LRGUK: variants seen among roughly 807,000 people sequenced by gnomAD.
LRGUK encodes leucine-rich repeat and guanylate kinase domain-containing protein.
Under a neutral mutation model 76.0 loss-of-function variants are expected in LRGUK, and 65 were observed. That is an observed-to-expected ratio of 0.85 (90% CI 0.70 to 1.05). LRGUK has a LOEUF of 1.05. Among genes scored for constraint, LRGUK ranks in the 50% least tolerant of loss-of-function variants. LRGUK has a pLI of 0.00. For missense variants in LRGUK, 758 were observed against 732.8 expected (o/e 1.03, Z -0.40); for synonymous variants, 268 against 265.6 (o/e 1.01, Z -0.09).
chr7:134,265,992 G>A (rs1344378629), downstream of LRGUK, among the ~76,000 whole-genome samples: 1 of 152,172 alleles, frequency 6.6e-6, no homozygotes, highest in East Asian at 1.9e-4. Flanking sequence ...GAGGCCTAGT[G>A]GGGACCCTAA....
At chr7:134,244,766 C>G (rs1262574444) in intron 16 of LRGUK, among the ~76,000 whole-genome samples, 1 of 152,100 alleles carries the variant, frequency 6.6e-6, no homozygotes, top group Non-Finnish European at 1.5e-5. Flanking sequence ...ATGTTTATTG[C>G]GGCACTATTC....
downstream of LRGUK, among the ~76,000 whole-genome samples, chr7:134,269,350 C>CTTTTT (rs71172445): frequency 0.014 from 1,768 of 123,832 alleles, 83 homozygotes; most frequent in African/African-American, 0.053. Context: ...GATTTCAATT[C>CTTTTT]TTTTTTTTTT....
At chr7:134,131,035 A>T (rs561430943) in intron 1 of LRGUK, among the ~76,000 whole-genome samples, 1 of 152,340 alleles carries the variant, frequency 6.6e-6, no homozygotes, top group East Asian at 1.9e-4. Context: ...CCATTAAGTG[A>T]TTTGATTAAT....
At chr7:134,234,044 ATTC>A (rs1466574717) in intron 16 of LRGUK, among the ~76,000 whole-genome samples, 1 of 152,136 alleles carries the variant, frequency 6.6e-6, no homozygotes, top group East Asian at 1.9e-4. Flanking sequence ...CAAGACAATT[ATTC>A]TTCTTCCAGT....
chr7:134,249,703 G>T (rs534895520), intron 18 of LRGUK, among the ~76,000 whole-genome samples: 10 of 152,270 alleles, frequency 6.6e-5, no homozygotes, highest in African/African-American at 2.4e-4. Flanking sequence ...TCATAGTGTG[G>T]CTCAAAAGCT....
chr7:134,166,865 C>G (rs1202784135), intron 7 of LRGUK, among the ~76,000 whole-genome samples: 3 of 152,220 alleles, frequency 2.0e-5, no homozygotes, highest in Non-Finnish European at 4.4e-5. Flanking sequence ...CCCCTCTTCA[C>G]TGAACCCTGG....
At chr7:134,250,543 T>A (rs943575340) in intron 18 of LRGUK, among the ~76,000 whole-genome samples, 3 of 152,206 alleles carry the variant, frequency 2.0e-5, no homozygotes, top group Non-Finnish European at 4.4e-5. Flanking sequence ...ATGAAAACTT[T>A]TAAAATGAGC....
At chr7:134,269,395 C>G (rs2117243291), downstream of LRGUK, among the ~76,000 whole-genome samples, 1 of 148,178 alleles carries the variant, frequency 6.7e-6, no homozygotes, top group East Asian at 2.0e-4. Context: ...CTCTGTTGCC[C>G]AGGCTAGTGT....
chr7:134,167,414 C>A (rs1342716846), intron 7 of LRGUK, among the ~76,000 whole-genome samples: 1 of 152,190 alleles, frequency 6.6e-6, no homozygotes, highest in Non-Finnish European at 1.5e-5. Flanking sequence ...TGGACTTGGC[C>A]TGCTTCCTGG....
At chr7:134,139,437 G>T (rs1797672929) in exon 3 of LRGUK, 2 of 1,601,540 alleles carry the variant, frequency 1.2e-6, no homozygotes, top group Non-Finnish European at 1.7e-6. Flanking sequence ...TTTTCTCAGG[G>T]TTGTAATTTA....
intron 7 of LRGUK, among the ~76,000 whole-genome samples, chr7:134,167,700 C>T (rs971990978): frequency 2.0e-5 from 3 of 152,148 alleles, no homozygotes; most frequent in Non-Finnish European, 4.4e-5. Flanking sequence ...GATCCTCATG[C>T]AGATCCAGCG....
chr7:134,222,533 A>G (rs1801626444), intron 16 of LRGUK, among the ~76,000 whole-genome samples: 1 of 152,182 alleles, frequency 6.6e-6, no homozygotes, highest in South Asian at 2.1e-4. Flanking sequence ...CAGAAGCAAC[A>G]GAACTTTTTG....
chr7:134,271,698 C>T, the LRGUK span, among the ~76,000 whole-genome samples: 1 of 151,908 alleles, frequency 6.6e-6, no homozygotes, highest in Non-Finnish European at 1.5e-5. Context: ...TATCTGTAAA[C>T]ATTCTCTATT....
intron 4 of LRGUK, 94 bp from the exon 5 acceptor site, chr7:134,148,144 A>G (rs1585437024): frequency 2.6e-6 from 2 of 762,244 alleles, no homozygotes. Flanking sequence ...CTAACTCTAC[A>G]TTCAAAAATA....
At chr7:134,176,737 A>G (rs552732385) in intron 8 of LRGUK, among the ~76,000 whole-genome samples, 64 of 152,308 alleles carry the variant, frequency 4.2e-4, no homozygotes, top group Non-Finnish European at 7.8e-4. Context: ...TGTTAATCTC[A>G]AATCTCACAG....
chr7:134,257,468 G>A (rs1802613993), intron 18 of LRGUK, among the ~76,000 whole-genome samples: 1 of 152,110 alleles, frequency 6.6e-6, no homozygotes, highest in African/African-American at 2.4e-5. Flanking sequence ...GGGCTCAGAG[G>A]CAGGGATTTC....
At chr7:134,145,761 C>T (rs529964074) in intron 4 of LRGUK, among the ~76,000 whole-genome samples, 3 of 152,318 alleles carry the variant, frequency 2.0e-5, no homozygotes, top group African/African-American at 7.2e-5. Context: ...TTGAGAAGCT[C>T]CACTTCCTTT....
intron 6 of LRGUK, among the ~76,000 whole-genome samples, chr7:134,160,770 G>A (rs59685119): frequency 0.13 from 20,005 of 152,128 alleles, 1,647 homozygotes; most frequent in East Asian, 0.32. Flanking sequence ...TTGGTTGGTT[G>A]AGAATGTTTC....
intron 4 of LRGUK, among the ~76,000 whole-genome samples, chr7:134,147,167 C>A (rs1416003559): frequency 1.3e-5 from 2 of 152,094 alleles, no homozygotes; most frequent in East Asian, 3.9e-4. Flanking sequence ...AATCCCAACA[C>A]TTTGGGAGGC....
Sources: gnomAD v4.1 joint callset for allele counts (sites outside exome capture counted in the v4.1 genomes callset) on GRCh38, gnomAD v4.1.1 for gene constraint, MANE v1.5 for transcripts, NCBI Gene and HGNC (gene_info 2026-07-23, HGNC 2026-07-21) for gene names.